The following ADAMTSL1 variants were observed in gnomAD, a reference collection of about 807,000 sequenced individuals.
ADAMTSL1 encodes ADAMTS-like protein 1.
A neutral mutation model predicts 201.8 loss-of-function variants in ADAMTSL1; 126 were observed. The observed-to-expected ratio is 0.62, with a 90% confidence interval of 0.54 to 0.72. The LOEUF (loss-of-function observed/expected upper bound fraction) is 0.72, where lower values mean the gene tolerates loss of function less well. Ranked by LOEUF, ADAMTSL1 falls within the 30% of genes least tolerant of loss-of-function variation. The pLI is 0.00. For missense variants in ADAMTSL1, 2,679 were observed against 2,277.8 expected (o/e 1.18, Z -3.59); for synonymous variants, 1,121 against 903.4 (o/e 1.24, Z -4.32).
chr9:18,358,223 T>C (rs1202300717), intron 2 of ADAMTSL1, among the ~76,000 whole-genome samples: 1 of 152,220 alleles, frequency 6.6e-6, no homozygotes, highest in African/African-American at 2.4e-5. Context: ...GAGAGCTTAA[T>C]GAATGCTAGT....
chr9:18,656,535 A>G (rs1005682475), intron 7 of ADAMTSL1, among the ~76,000 whole-genome samples: 1 of 149,574 alleles, frequency 6.7e-6, no homozygotes, highest in Non-Finnish European at 1.5e-5. Context: ...AGGCTGAGGC[A>G]GAAGAATGGT....
chr9:18,338,318 C>T (rs531118940), intron 2 of ADAMTSL1, among the ~76,000 whole-genome samples: 11 of 152,208 alleles, frequency 7.2e-5, no homozygotes, highest in South Asian at 6.2e-4. Flanking sequence ...CATCCACCTT[C>T]GGCCCCTTTC....
At chr9:18,563,287 G>T (rs991382040) in intron 3 of ADAMTSL1, among the ~76,000 whole-genome samples, 2 of 152,196 alleles carry the variant, frequency 1.3e-5, no homozygotes, top group Non-Finnish European at 2.9e-5. Flanking sequence ...AGGTCTGTTG[G>T]AGTTTGCTGG....
chr9:18,320,552 A>T (rs921905882), intron 2 of ADAMTSL1, among the ~76,000 whole-genome samples: 3 of 152,230 alleles, frequency 2.0e-5, no homozygotes, highest in Admixed American at 2.0e-4. Context: ...AGCAGATGGA[A>T]CTCCAAATCT....
intron 2 of ADAMTSL1, among the ~76,000 whole-genome samples, chr9:18,234,503 A>G (rs1327614577): frequency 6.6e-6 from 1 of 152,186 alleles, no homozygotes; most frequent in Non-Finnish European, 1.5e-5. Flanking sequence ...AGACAAAGGC[A>G]CTGCAAATCT....
intron 23 of ADAMTSL1, among the ~76,000 whole-genome samples, chr9:18,847,336 A>G (rs944313795): frequency 6.6e-6 from 1 of 152,218 alleles, no homozygotes; most frequent in Non-Finnish European, 1.5e-5. Context: ...CTGATACAAC[A>G]GACACACTTA....
chr9:18,047,281 A>G (rs1821703417), intron 1 of ADAMTSL1, among the ~76,000 whole-genome samples: 1 of 152,160 alleles, frequency 6.6e-6, no homozygotes, highest in African/African-American at 2.4e-5. Flanking sequence ...GTGGCTTTCA[A>G]CCCAGGGTAA....
chr9:18,755,741 T>C (rs563801549), intron 16 of ADAMTSL1, among the ~76,000 whole-genome samples: 3 of 152,150 alleles, frequency 2.0e-5, no homozygotes, highest in Non-Finnish European at 4.4e-5. Flanking sequence ...CCTGCGAAGA[T>C]ATGAATTTAC....
At chr9:18,594,099 G>T (rs1824100606) in intron 4 of ADAMTSL1, among the ~76,000 whole-genome samples, 1 of 151,812 alleles carries the variant, frequency 6.6e-6, no homozygotes, top group African/African-American at 2.4e-5. Flanking sequence ...AAAGTCTTTA[G>T]TTCTCTTTCA....
At chr9:18,798,368 T>C (rs983125618) in intron 20 of ADAMTSL1, among the ~76,000 whole-genome samples, 39 of 152,216 alleles carry the variant, frequency 2.6e-4, no homozygotes, top group Non-Finnish European at 3.2e-4. Flanking sequence ...ATCTGGAAAG[T>C]GGTGCTAATA....
intron 1 of ADAMTSL1, among the ~76,000 whole-genome samples, chr9:18,019,286 G>A (rs1193717711): frequency 2.6e-5 from 4 of 152,164 alleles, no homozygotes; most frequent in African/African-American, 9.6e-5. Context: ...ATTGTTAAAC[G>A]AAAAGGAGTC....
chr9:17,941,594 T>A (rs1011648971), intron 1 of ADAMTSL1, among the ~76,000 whole-genome samples: 1 of 152,150 alleles, frequency 6.6e-6, no homozygotes, highest in South Asian at 2.1e-4. Flanking sequence ...TACTATCAAA[T>A]GTCTGTCAGG....
chr9:18,333,822 G>A (rs1835126326), intron 2 of ADAMTSL1, among the ~76,000 whole-genome samples: 2 of 152,074 alleles, frequency 1.3e-5, no homozygotes, highest in South Asian at 2.1e-4. Context: ...TTCTTCAGAG[G>A]GATTACTGAT....
rs189501241 is a variant in ADAMTSL1, at chr9:18,064,675, A to G, written c.88-99187A>G. Among the ~76,000 whole-genome samples the G allele has an allele frequency of 1.2e-4, 19 of 152,310 alleles. No homozygotes were observed. The East Asian group carries it at 3.7e-3, about 29-fold the overall frequency. ...AGTTGATGAAAGAATGATTACATGT[A>G]GCTTAAATTTATGATTAATAACTGG... On this transcript the variant is annotated intron_variant, in intron 1 of 29. Coordinates refer to the ADAMTSL1 transcript ENST00000680146.
At chr9:18,726,774 A>G (rs1817919769) in intron 15 of ADAMTSL1, among the ~76,000 whole-genome samples, 1 of 152,206 alleles carries the variant, frequency 6.6e-6, no homozygotes. Context: ...GTTCTAACAT[A>G]CTTTTTAAAC....
chr9:17,960,511 T>C (rs1439300638), intron 1 of ADAMTSL1, among the ~76,000 whole-genome samples: 1 of 152,196 alleles, frequency 6.6e-6, no homozygotes, highest in Non-Finnish European at 1.5e-5. Flanking sequence ...GACTGTGTGA[T>C]CAAACTATTG....
intron 2 of ADAMTSL1, among the ~76,000 whole-genome samples, chr9:18,306,634 G>C (rs1437989478): frequency 6.6e-6 from 1 of 152,026 alleles, no homozygotes; most frequent in African/African-American, 2.4e-5. Context: ...ATGAAGACAA[G>C]ATTAGAGAAA....
chr9:18,256,584 C>T (rs1831696974), intron 2 of ADAMTSL1, among the ~76,000 whole-genome samples: 1 of 152,168 alleles, frequency 6.6e-6, no homozygotes, highest in Non-Finnish European at 1.5e-5. Flanking sequence ...TGGTTTCTGA[C>T]ATCAAAGGAG....
At chr9:17,992,801 G>C (rs146175256) in intron 1 of ADAMTSL1, among the ~76,000 whole-genome samples, 1 of 152,288 alleles carries the variant, frequency 6.6e-6, no homozygotes, top group East Asian at 1.9e-4. Context: ...GAAGAAAACT[G>C]AGAGGTCATA....
Sources: allele counts gnomAD v4.1 joint callset (sites outside exome capture counted in the v4.1 genomes callset), GRCh38; gene constraint gnomAD v4.1.1; transcripts MANE v1.5; gene names NCBI Gene and HGNC (gene_info 2026-07-23, HGNC 2026-07-21).